AP3S2: variants seen among roughly 807,000 people sequenced by gnomAD.
AP3S2 encodes the protein AP-3 complex subunit sigma-2.
A neutral mutation model predicts 23.4 loss-of-function variants in AP3S2; 22 were observed. The ratio of observed to expected loss-of-function variants is 0.94; its 90% CI spans 0.67 to 1.34. The LOEUF (loss-of-function observed/expected upper bound fraction) is 1.34. AP3S2 is among the 40% of genes most tolerant of loss of function. The pLI is 0.00. For synonymous variants in AP3S2, 86 were observed against 87.1 expected (o/e 0.99, Z 0.07); for missense variants, 241 against 236.9 (o/e 1.02, Z -0.11).
intron 3 of AP3S2, among the ~76,000 whole-genome samples, chr15:89,881,470 G>GA (rs1053606954): frequency 1.3e-5 from 2 of 151,858 alleles, no homozygotes; most frequent in African/African-American, 2.4e-5. Flanking sequence ...ATCTAACAAA[G>GA]AAAAAAAATG....
chr15:89,888,749 GC>G, intron 2 of AP3S2, 117 bp from the exon 3 acceptor site: 2 of 1,158,826 alleles, frequency 1.7e-6, no homozygotes, highest in Admixed American at 5.1e-5. Flanking sequence ...AACGCTAGAA[GC>G]AGGCCATTCT....
At chr15:89,858,552 A>C (rs1167813001) in intron 4 of AP3S2, among the ~76,000 whole-genome samples, 1 of 135,366 alleles carries the variant, frequency 7.4e-6, no homozygotes, top group Non-Finnish European at 1.6e-5. Flanking sequence ...AAAGAAAGAA[A>C]GAAAGAAAGA....
intron 4 of AP3S2, among the ~76,000 whole-genome samples, chr15:89,856,025 A>G (rs1192657128): frequency 2.6e-5 from 4 of 152,010 alleles, no homozygotes; most frequent in African/African-American, 9.7e-5. Flanking sequence ...CTGAGGCACA[A>G]AGAGGTCTTT....
At chr15:89,857,367 T>C (rs749018006) in intron 4 of AP3S2, among the ~76,000 whole-genome samples, 5 of 152,002 alleles carry the variant, frequency 3.3e-5, no homozygotes, top group Non-Finnish European at 5.9e-5. Context: ...AATGAATGCT[T>C]AATAAATGAT....
At chr15:89,854,644 A>G (rs1895768709) in intron 4 of AP3S2, among the ~76,000 whole-genome samples, 1 of 35,138 alleles carries the variant, frequency 2.8e-5, no homozygotes, top group Non-Finnish European at 5.8e-5. Context: ...GGCCGCCCCT[A>G]CTGGGAAGTG....
chr15:89,852,936 AGGCAGGCTG>A (rs1315756449), intron 4 of AP3S2, among the ~76,000 whole-genome samples: 1 of 152,242 alleles, frequency 6.6e-6, no homozygotes, highest in Admixed American at 6.5e-5. Flanking sequence ...GAGGCTAGAC[AGGCAGGCTG>A]GGCATGCTCA....
intron 4 of AP3S2, chr15:89,838,186 T>C (rs982932020): frequency 4.1e-4 from 67 of 162,376 alleles, no homozygotes; most frequent in African/African-American, 1.2e-3. Context: ...TGACTGTCAT[T>C]AAGTAGGTCC....
intron 4 of AP3S2, among the ~76,000 whole-genome samples, chr15:89,868,380 G>C (rs1896211709): frequency 2.0e-5 from 1 of 49,204 alleles, no homozygotes; most frequent in Non-Finnish European, 4.6e-5. Context: ...GCCCTGTCCG[G>C]GAGGGAGGTG....
intron 3 of AP3S2, among the ~76,000 whole-genome samples, chr15:89,885,136 T>C (rs1896665294): frequency 6.6e-6 from 1 of 152,140 alleles, no homozygotes; most frequent in Non-Finnish European, 1.5e-5. Context: ...TTAACATCTA[T>C]TATTTCATCC....
At chr15:89,838,024 A>G (rs1895237817) in intron 4 of AP3S2, 1 of 335,874 alleles carries the variant, frequency 3.0e-6, no homozygotes. Flanking sequence ...CCCTGGGCAA[A>G]TGACCTTTAA....
intron 4 of AP3S2, among the ~76,000 whole-genome samples, chr15:89,858,134 TAGGAATC>T (rs1895885024): frequency 6.6e-6 from 1 of 152,076 alleles, no homozygotes; most frequent in Non-Finnish European, 1.5e-5. Flanking sequence ...GGTTCTTAGT[TAGGAATC>T]AAGAGATTCT....
intron 4 of AP3S2, 115 bp from the exon 5 acceptor site, chr15:89,837,837 A>G: frequency 3.3e-6 from 4 of 1,215,498 alleles, no homozygotes; most frequent in Admixed American, 2.1e-5. Context: ...GTCCTGACTC[A>G]CAACTCAGAC....
At chr15:89,871,964 C>G (rs1427751968) in intron 3 of AP3S2, among the ~76,000 whole-genome samples, 1 of 151,834 alleles carries the variant, frequency 6.6e-6, no homozygotes, top group Non-Finnish European at 1.5e-5. Flanking sequence ...CAAAAATTAT[C>G]TGGGTGTGGC....
chr15:89,887,719 G>A (rs552428560), intron 3 of AP3S2, among the ~76,000 whole-genome samples: 4 of 152,278 alleles, frequency 2.6e-5, no homozygotes, highest in African/African-American at 9.6e-5. Context: ...TGCCCAGGCT[G>A]GAGTGCAGTG....
rs1239890835 is a variant in AP3S2, at chr15:89,880,929, A to G, written c.273+7592T>C. Among the ~76,000 whole-genome samples the G allele has an allele frequency of 2.6e-5, 4 of 151,910 alleles. No individual in the cohort carries two copies. In the South Asian group the frequency reaches 8.3e-4, roughly 32 times the overall value. ...TGGGTGTGGGAAGAACAAGGAGGCAAATGAAACAAGATATTTTCTATTGTC... is the reference window on the plus strand; with the variant it reads ...TGGGTGTGGGAAGAACAAGGAGGCAGATGAAACAAGATATTTTCTATTGTC... On this transcript the variant is annotated intron_variant, in intron 3 of 5. Transcript: ENST00000336418.
At chr15:89,879,097 T>G (rs1210386967) in intron 3 of AP3S2, among the ~76,000 whole-genome samples, 4 of 152,246 alleles carry the variant, frequency 2.6e-5, no homozygotes, top group African/African-American at 9.6e-5. Flanking sequence ...CAGGAAGGTC[T>G]CAAACTCCAG....
chr15:89,858,886 C>G (rs1403720152), intron 4 of AP3S2, among the ~76,000 whole-genome samples: 1 of 152,140 alleles, frequency 6.6e-6, no homozygotes, highest in Non-Finnish European at 1.5e-5. Flanking sequence ...ACTAACACAC[C>G]AAACTTGAAG....
intron 4 of AP3S2, among the ~76,000 whole-genome samples, chr15:89,843,386 C>G (rs1455985103): frequency 6.6e-6 from 1 of 151,994 alleles, no homozygotes; most frequent in East Asian, 2.0e-4. Flanking sequence ...GCCTGTAATC[C>G]CAGCACTTTG....
chr15:89,857,397 A>G (rs193178006), intron 4 of AP3S2, among the ~76,000 whole-genome samples: 1 of 127,528 alleles, frequency 7.8e-6, no homozygotes, highest in Non-Finnish European at 1.6e-5. Context: ...GTAATCAGAG[A>G]AAAGACAAAA....
Sources: gnomAD v4.1 joint callset for allele counts (sites outside exome capture counted in the v4.1 genomes callset) on GRCh38, gnomAD v4.1.1 for gene constraint, MANE v1.5 for transcripts, NCBI Gene and HGNC (gene_info 2026-07-23, HGNC 2026-07-21) for gene names.